Variants in ANK3 observed in about 807,000 individuals in gnomAD.
The protein encoded by ANK3 is ankyrin 3.
In ANK3, 57 loss-of-function variants were observed where a neutral mutation model predicts 370.9. The ratio of observed to expected loss-of-function variants is 0.15; its 90% CI spans 0.12 to 0.19. ANK3 has a LOEUF of 0.19. Ranked by LOEUF, ANK3 falls within the 10% of genes least tolerant of loss-of-function variation. ANK3 has a pLI of 1.00. For missense variants in ANK3, 4,439 were observed against 5,302.1 expected (o/e 0.84, Z 5.06); for synonymous variants, 1,929 against 1,946.3 (o/e 0.99, Z 0.23).
chr10:60,200,684 CT>C (rs1186279930), intron 12 of ANK3, among the ~76,000 whole-genome samples: 3 of 151,828 alleles, frequency 2.0e-5, no homozygotes, highest in African/African-American at 7.3e-5. Context: ...CACCATGCAA[CT>C]TTTCAAAAGA....
At chr10:60,432,723 GGAGGAGGCCCA>G (rs1231042717) in intron 2 of ANK3, among the ~76,000 whole-genome samples, 1 of 152,186 alleles carries the variant, frequency 6.6e-6, no homozygotes, top group Admixed American at 6.5e-5. Flanking sequence ...TGGAGGCCTA[GGAGGAGGCCCA>G]GCATGGGTAC....
intron 28 of ANK3, among the ~76,000 whole-genome samples, chr10:60,094,859 C>T (rs2089746796): frequency 6.6e-6 from 1 of 152,140 alleles, no homozygotes; most frequent in Admixed American, 6.5e-5. Context: ...AAATAAAACC[C>T]TAGATAACAT....
Position 60,027,328 on chromosome 10 carries a change from G to C in ANK3, c.*2518C>G. 1 of 141,992 alleles carries C rather than the reference G, an allele frequency of 7.0e-6. No homozygotes were observed. The highest frequency in any genetic ancestry group is 2.6e-5 in the African/African-American group (1 of 38,436). 8.8% of individuals were successfully genotyped at this position (141,992 alleles called of 1,614,324 possible). Reference sequence around the variant, plus strand: ...TTTTTAAAAAAAAAACCTCTCAAGGGTCTAACTTTACCCATCATAAAATAA... The same window carrying C: ...TTTTTAAAAAAAAAACCTCTCAAGGCTCTAACTTTACCCATCATAAAATAA... On this transcript the variant is annotated 3_prime_UTR_variant, in exon 44 of 44. Coordinates refer to ENST00000280772, the MANE Select transcript of ANK3 (RefSeq NM_020987.5).
In ANK3 at chr10:60,612,413, A is replaced by C. The variant is rs564821626; in HGVS notation, c.96+2773T>G. On this transcript the variant is annotated intron_variant, in intron 2 of 43. Transcript: ENST00000373827. The stretch of plus-strand genomic sequence containing the variant: ...AAATGTAAAATAGAAGATACTTTTA[A>C]GTTGGGGATAAAAGGTATCAACTCT... 2.6e-5 allele frequency among the ~76,000 whole-genome samples: 4 copies of C among 152,310 alleles called. No homozygotes were observed. The South Asian group carries it at 8.3e-4, about 32-fold the overall frequency.
intron 1 of ANK3, among the ~76,000 whole-genome samples, chr10:60,344,752 A>G (rs2055036657): frequency 6.6e-6 from 1 of 152,222 alleles, no homozygotes; most frequent in Admixed American, 6.5e-5. Context: ...AAAAGTGACT[A>G]TCAGTGGGAG....
At chr10:60,633,271 A>G (rs2078508817) in intron 1 of ANK3, among the ~76,000 whole-genome samples, 1 of 152,206 alleles carries the variant, frequency 6.6e-6, no homozygotes, top group Admixed American at 6.5e-5. Context: ...TATTGCATGC[A>G]ATAATTGCAC....
Position 60,510,211 on chromosome 10 carries a change from C to T in ANK3, c.96+104975G>A, listed in dbSNP as rs66499904. 8.9e-3 allele frequency among the ~76,000 whole-genome samples: 1,348 copies of T among 152,164 alleles called. 8 individuals carry two copies. Among genetic ancestry groups the T allele is most frequent in the African/African-American group, 0.013 (550 of 41,530 alleles). On this transcript the variant is annotated intron_variant, in intron 2 of 43. Coordinates refer to the ANK3 transcript ENST00000373827. ...GACACATAGGTAAGTGATAGGTAGA[C>T]AGAGCTTTCATATATATATCTACAT...
At chr10:60,710,661 C>T (rs1023106167) in intron 1 of ANK3, among the ~76,000 whole-genome samples, 3 of 152,042 alleles carry the variant, frequency 2.0e-5, no homozygotes, top group Non-Finnish European at 2.9e-5. Context: ...AATTCAAGCC[C>T]ATGTTGTTCA....
intron 14 of ANK3, among the ~76,000 whole-genome samples, chr10:60,197,565 G>A (rs2096606747): frequency 6.6e-6 from 1 of 152,198 alleles, no homozygotes; most frequent in Non-Finnish European, 1.5e-5. Context: ...CTCTACTGAA[G>A]AGCCCAAAGA....
At chr10:60,344,372 A>T (rs2054937772) in intron 1 of ANK3, among the ~76,000 whole-genome samples, 1 of 152,234 alleles carries the variant, frequency 6.6e-6, no homozygotes, top group South Asian at 2.1e-4. Context: ...CTGAAGAATA[A>T]AACAATAATA....
intron 1 of ANK3, among the ~76,000 whole-genome samples, chr10:60,383,065 T>C (rs1247870727): frequency 6.6e-6 from 1 of 152,014 alleles, no homozygotes; most frequent in Non-Finnish European, 1.5e-5. Context: ...AGAAAACCTC[T>C]CTTGTAGAGG....
At chr10:60,132,663 C>CTGGA (rs921800286) in intron 25 of ANK3, among the ~76,000 whole-genome samples, 4 of 151,300 alleles carry the variant, frequency 2.6e-5, no homozygotes, top group African/African-American at 9.7e-5. Context: ...GTTGCCCAGG[C>CTGGA]TGGAGTACAG....
chr10:60,151,283 G>A (rs2095101320), intron 23 of ANK3, among the ~76,000 whole-genome samples: 1 of 152,096 alleles, frequency 6.6e-6, no homozygotes, highest in African/African-American at 2.4e-5. Flanking sequence ...TTGGAGGTGG[G>A]GCCTAGTGGG....
At position 60,069,797 on chromosome 10, in the gene ANK3, C is replaced by A; in HGVS notation, c.11084G>T (p.Gly3695Val). Residue 3695 changes from glycine to valine, a missense_variant, in exon 37 of 44, where the codon GGC becomes GTC. Around this residue, in one of 13 missense-constraint regions of ANK3, gnomAD observed 496 missense variants for 529.3 expected, o/e 0.94. Coordinates refer to ENST00000280772, the MANE Select transcript of ANK3 (RefSeq NM_020987.5). ...CTCCAGGGAGCCACTACTGGATGTG[C>A]CTTCCTGACACTCTCCGCTGGTCGG... ...SIPTSGECQE[G>V]TSSSGSLEKS... 1 of 1,614,094 alleles carries A rather than the reference C, an allele frequency of 6.2e-7. No homozygotes were observed. The highest frequency in any genetic ancestry group is 8.5e-7 in the Non-Finnish European group (1 of 1,180,016).
intron 25 of ANK3, among the ~76,000 whole-genome samples, chr10:60,125,360 T>C (rs1348533522): frequency 6.6e-6 from 1 of 152,140 alleles, no homozygotes. Flanking sequence ...GCTTGAGACA[T>C]CAAAACTAAC....
chr10:60,707,799 G>A (rs2079641226), intron 1 of ANK3, among the ~76,000 whole-genome samples: 1 of 151,776 alleles, frequency 6.6e-6, no homozygotes, highest in South Asian at 2.1e-4. Flanking sequence ...TATTGCTGCA[G>A]GAATTTTCCT....
intron 2 of ANK3, among the ~76,000 whole-genome samples, chr10:60,511,112 G>A (rs1346961587): frequency 1.3e-5 from 2 of 152,138 alleles, no homozygotes; most frequent in Non-Finnish European, 2.9e-5. Flanking sequence ...GTTATTGACT[G>A]CTCTGGATAT....
intron 26 of ANK3, chr10:60,111,753 G>C (rs1217719000): frequency 2.2e-6 from 1 of 456,088 alleles, no homozygotes; most frequent in African/African-American, 2.0e-5. Flanking sequence ...TACTGAGGAA[G>C]TGGAGAAGAA....
At chr10:60,707,315 A>T (rs941719046) in intron 1 of ANK3, among the ~76,000 whole-genome samples, 1 of 152,248 alleles carries the variant, frequency 6.6e-6, no homozygotes, top group Admixed American at 6.5e-5. Context: ...CATTTTAACC[A>T]CTCACTTTAA....
Sources: allele counts gnomAD v4.1 joint callset (sites outside exome capture counted in the v4.1 genomes callset), GRCh38; gene constraint gnomAD v4.1.1; regional missense constraint gnomAD v4.1.1; transcripts MANE v1.5; gene names NCBI Gene and HGNC (gene_info 2026-07-23, HGNC 2026-07-21).